FAF1: variants seen among roughly 807,000 people sequenced by gnomAD.
FAF1 encodes the protein FAS-associated factor 1.
Under a neutral mutation model 92.5 loss-of-function variants are expected in FAF1, and 25 were observed. That is an observed-to-expected ratio of 0.27 (90% CI 0.20 to 0.38). The LOEUF (loss-of-function observed/expected upper bound fraction) is 0.38. Among genes scored for constraint, FAF1 ranks in the 10% least tolerant of loss-of-function variants. The pLI is 1.00. For missense variants in FAF1, 636 were observed against 793.3 expected (o/e 0.80, Z 2.38); for synonymous variants, 234 against 273.2 (o/e 0.86, Z 1.42).
intron 15 of FAF1, among the ~76,000 whole-genome samples, chr1:50,534,831 T>C (rs1401365682): frequency 5.3e-5 from 8 of 152,236 alleles, no homozygotes; most frequent in African/African-American, 1.9e-4. Flanking sequence ...TTTGAGGTTC[T>C]ATGTTCATGT....
chr1:50,811,820 C>A (rs541652550), intron 2 of FAF1, among the ~76,000 whole-genome samples: 2 of 152,142 alleles, frequency 1.3e-5, no homozygotes, highest in Admixed American at 1.3e-4. Context: ...TCAAACTATA[C>A]CATAAAGCTG....
intron 1 of FAF1, among the ~76,000 whole-genome samples, chr1:50,898,205 CT>C (rs1234765995): frequency 4.6e-5 from 7 of 152,148 alleles, no homozygotes; most frequent in African/African-American, 1.7e-4. Flanking sequence ...ACCCAGGAGG[CT>C]GATGGGAGGA....
intron 13 of FAF1, among the ~76,000 whole-genome samples, chr1:50,558,083 C>A (rs1053799056): frequency 1.3e-5 from 2 of 151,892 alleles, no homozygotes; most frequent in East Asian, 3.9e-4. Flanking sequence ...ATTTTTAGTA[C>A]AGACAGGGTT....
intron 2 of FAF1, among the ~76,000 whole-genome samples, chr1:50,812,416 C>T (rs1643924882): frequency 6.6e-6 from 1 of 152,074 alleles, no homozygotes; most frequent in African/African-American, 2.4e-5. Context: ...GGGCAAATGA[C>T]ATGATCAAAC....
chr1:50,584,997 C>A (rs1461066451), intron 9 of FAF1, among the ~76,000 whole-genome samples, 186 bp from the exon 10 acceptor site: 1 of 152,112 alleles, frequency 6.6e-6, no homozygotes, highest in Non-Finnish European at 1.5e-5. Context: ...TTCTGTGATA[C>A]CTGTAGACCG....
intron 3 of FAF1, among the ~76,000 whole-genome samples, chr1:50,795,296 C>A (rs115021828): frequency 0.013 from 1,970 of 152,288 alleles, 42 homozygotes; most frequent in African/African-American, 0.043. Flanking sequence ...GAAAAAGACA[C>A]TTTTCTAAAT....
chr1:50,481,996 C>T (rs1025106575), intron 17 of FAF1, among the ~76,000 whole-genome samples: 2 of 152,058 alleles, frequency 1.3e-5, no homozygotes, highest in South Asian at 4.1e-4. Context: ...AATTATTTTC[C>T]TATTTTAAAA....
chr1:50,717,947 G>A (rs1658244879), intron 6 of FAF1, among the ~76,000 whole-genome samples: 1 of 151,868 alleles, frequency 6.6e-6, no homozygotes, highest in Non-Finnish European at 1.5e-5. Flanking sequence ...CATTTTTACA[G>A]TTACATGGGC....
intron 1 of FAF1, among the ~76,000 whole-genome samples, chr1:50,887,083 G>A (rs1644672192): frequency 6.6e-6 from 1 of 152,226 alleles, no homozygotes; most frequent in Non-Finnish European, 1.5e-5. Flanking sequence ...TAACTGGTGT[G>A]AGATGGTATC....
At chr1:50,788,979 A>G (rs1661468271) in intron 3 of FAF1, among the ~76,000 whole-genome samples, 1 of 152,052 alleles carries the variant, frequency 6.6e-6, no homozygotes, top group South Asian at 2.1e-4. Context: ...CTACACATGC[A>G]TGCCACCAAG....
At chr1:50,664,808 AC>A (rs1655553838) in intron 7 of FAF1, among the ~76,000 whole-genome samples, 1 of 152,110 alleles carries the variant, frequency 6.6e-6, no homozygotes, top group Non-Finnish European at 1.5e-5. Flanking sequence ...AAACAAACAA[AC>A]AAACAAACAA....
chr1:50,619,603 T>A (rs912444268), intron 8 of FAF1, among the ~76,000 whole-genome samples: 1 of 152,236 alleles, frequency 6.6e-6, no homozygotes, highest in African/African-American at 2.4e-5. Flanking sequence ...GGCCTGCTGC[T>A]AATGGGGTTG....
At chr1:50,441,631 G>A (rs548550262) in intron 18 of FAF1, 108 bp from the exon 19 acceptor site, 5 of 546,076 alleles carry the variant, frequency 9.2e-6, no homozygotes, top group Admixed American at 3.5e-5. Context: ...GCACTGGCAC[G>A]AAGAGTCTCG....
At chr1:50,952,284 C>T (rs997110574) in intron 1 of FAF1, among the ~76,000 whole-genome samples, 48 of 152,350 alleles carry the variant, frequency 3.2e-4, no homozygotes, top group African/African-American at 1.1e-3. Context: ...GTTTTCGTAT[C>T]TTTTTGGTGG....
At chr1:50,753,994 G>A (rs1264311655) in intron 4 of FAF1, among the ~76,000 whole-genome samples, 2 of 151,976 alleles carry the variant, frequency 1.3e-5, no homozygotes, top group Non-Finnish European at 2.9e-5. Context: ...CTGATCTCGT[G>A]ATACGCCCAC....
chr1:50,824,048 G>C (rs1644069976), intron 2 of FAF1, among the ~76,000 whole-genome samples: 1 of 152,124 alleles, frequency 6.6e-6, no homozygotes, highest in Non-Finnish European at 1.5e-5. Context: ...ATCTGGTAAA[G>C]AGAAAGGCTA....
In FAF1 at chr1:50,453,415, G is replaced by A. The variant is rs144332594; in HGVS notation, c.1870-11892C>T. Among the ~76,000 whole-genome samples, 14 of 152,316 alleles carry A rather than the reference G, an allele frequency of 9.2e-5. No individual in the cohort carries two copies. The East Asian group carries it at 1.2e-3, about 13-fold the overall frequency. ...GAGTTAAAAGAGTTTAGTCCCTAAC[G>A]ACATACAAAAGACTTGCCGGTGTGA... On this transcript the variant is annotated intron_variant, in intron 18 of 18. Coordinates refer to ENST00000396153, the MANE Select transcript of FAF1 (RefSeq NM_007051.3).
intron 8 of FAF1, among the ~76,000 whole-genome samples, chr1:50,644,765 GA>G (rs1489795179): frequency 6.6e-6 from 1 of 152,214 alleles, no homozygotes; most frequent in Non-Finnish European, 1.5e-5. Flanking sequence ...TGTTTACAGA[GA>G]GGGGGAAAAT....
intron 2 of FAF1, 120 bp from the exon 3 acceptor site, chr1:50,801,797 T>G: frequency 3.3e-6 from 2 of 604,840 alleles, no homozygotes; most frequent in Non-Finnish European, 5.9e-6. Flanking sequence ...TAATACTAAT[T>G]TTTTTAGTGA....
Sources: gnomAD v4.1 joint callset for allele counts (sites outside exome capture counted in the v4.1 genomes callset) on GRCh38, gnomAD v4.1.1 for gene constraint, MANE v1.5 for transcripts, NCBI Gene and HGNC (gene_info 2026-07-23, HGNC 2026-07-21) for gene names.